Variants in IL1RAPL2 observed in about 807,000 individuals in gnomAD.
IL1RAPL2 encodes the protein interleukin 1 receptor accessory protein like 2, also known as X-linked interleukin-1 receptor accessory protein-like 2.
Under a neutral mutation model 44.1 loss-of-function variants are expected in IL1RAPL2, and 3 were observed. That is an observed-to-expected ratio of 0.07 (90% CI 0.03 to 0.18). The LOEUF (loss-of-function observed/expected upper bound fraction) is 0.18. IL1RAPL2 is among the 10% of genes least tolerant of loss of function. The pLI, the probability that IL1RAPL2 is intolerant of heterozygous loss-of-function variation, is 1.00. For synonymous variants in IL1RAPL2, 181 were observed against 178.8 expected (o/e 1.01, Z -0.10); for missense variants, 391 against 496.4 (o/e 0.79, Z 2.02).
intron 5 of IL1RAPL2, among the ~76,000 whole-genome samples, chrX:105,269,407 TATATA>T (rs1456136625): frequency 1.8e-5 from 2 of 110,596 alleles, no homozygotes; most frequent in African/African-American, 3.3e-5. Context: ...AATAAACTAA[TATATA>T]ATATACATAT....
chrX:105,442,937 G>A (rs756830470), intron 5 of IL1RAPL2, among the ~76,000 whole-genome samples: 17 of 111,390 alleles, frequency 1.5e-4, no homozygotes, highest in African/African-American at 4.9e-4. Flanking sequence ...GTAGCCCAGC[G>A]TGGTGGTGGG....
chrX:105,358,496 T>G (rs1369528137), intron 5 of IL1RAPL2, among the ~76,000 whole-genome samples: 1 of 108,541 alleles, frequency 9.2e-6, no homozygotes. Flanking sequence ...GTGAACATAG[T>G]AAAACCTTAT....
At chrX:104,766,368 GGCCTGCCTGCCTGCCTGCCT>G (rs3081246) in intron 2 of IL1RAPL2, among the ~76,000 whole-genome samples, 11 of 60,306 alleles carry the variant, frequency 1.8e-4, no homozygotes, top group South Asian at 7.0e-4. Flanking sequence ...ATTCCTGGCT[GGCCTGCCTGCCTGCCTGCCT>G]GCCTGCCTGC....
intron 3 of IL1RAPL2, among the ~76,000 whole-genome samples, chrX:105,214,694 C>T (rs2033837660): frequency 8.9e-6 from 1 of 111,945 alleles, no homozygotes; most frequent in Non-Finnish European, 1.9e-5. Flanking sequence ...TGCCACATAG[C>T]ACGTACTCTA....
chrX:104,675,729 A>G (rs1489444427), intron 2 of IL1RAPL2, among the ~76,000 whole-genome samples: 1 of 110,190 alleles, frequency 9.1e-6, no homozygotes, highest in Non-Finnish European at 1.9e-5. Context: ...ATTGTGTGGG[A>G]GTCTAAGTCT....
intron 2 of IL1RAPL2, among the ~76,000 whole-genome samples, chrX:105,068,443 C>T (rs914321609): frequency 2.7e-5 from 3 of 111,853 alleles, no homozygotes; most frequent in Non-Finnish European, 3.8e-5. Flanking sequence ...AAAATGGATG[C>T]GTTTGCCCTA....
chrX:104,847,596 C>A (rs924049750), intron 2 of IL1RAPL2, among the ~76,000 whole-genome samples: 5 of 111,715 alleles, frequency 4.5e-5, no homozygotes, highest in Non-Finnish European at 9.4e-5. Flanking sequence ...GTTACTGTAG[C>A]CTTGTAGTAT....
chrX:105,272,041 C>A (rs1216397156), intron 5 of IL1RAPL2, among the ~76,000 whole-genome samples: 5 of 104,357 alleles, frequency 4.8e-5, no homozygotes, highest in Non-Finnish European at 3.9e-5. Flanking sequence ...AACAAAAAAC[C>A]AAACACCGCA....
At chrX:104,937,302 C>A (rs1925052111) in intron 2 of IL1RAPL2, among the ~76,000 whole-genome samples, 1 of 112,047 alleles carries the variant, frequency 8.9e-6, no homozygotes, top group Non-Finnish European at 1.9e-5. Flanking sequence ...AAGTAATGGT[C>A]CATTATCCAT....
chrX:105,079,618 G>C (rs368329437), intron 2 of IL1RAPL2, among the ~76,000 whole-genome samples: 3 of 108,645 alleles, frequency 2.8e-5, no homozygotes, highest in Non-Finnish European at 3.8e-5. Context: ...CATTTGGGTT[G>C]GTTCCAAGTC....
Position 104,827,718 on chromosome X carries a change from G to C in IL1RAPL2, c.82+168723G>C, listed in dbSNP as rs368732906. On this transcript the variant is annotated intron_variant, in intron 2 of 10. Transcript: ENST00000372582. ...TCTCCAGGATAATATCCTGAAGTGT[G>C]TTTTCCAACTTGGTTGCATTCTCCC... Among the ~76,000 whole-genome samples, 15 of 111,947 alleles carry C rather than the reference G, an allele frequency of 1.3e-4. No individual in the cohort carries two copies. The East Asian group carries it at 2.8e-3, about 21-fold the overall frequency.
chrX:105,557,218 G>A (rs1186936623), intron 6 of IL1RAPL2, among the ~76,000 whole-genome samples: 1 of 111,582 alleles, frequency 9.0e-6, no homozygotes, highest in Non-Finnish European at 1.9e-5. Flanking sequence ...CTCTTTCTCT[G>A]CATTTCTATT....
chrX:104,938,637 G>A (rs1925084023), intron 2 of IL1RAPL2, among the ~76,000 whole-genome samples: 1 of 107,336 alleles, frequency 9.3e-6, no homozygotes, highest in Non-Finnish European at 1.9e-5. Context: ...TTAGTGAGCA[G>A]GTTCATTAAG....
intron 2 of IL1RAPL2, among the ~76,000 whole-genome samples, chrX:105,055,955 A>G (rs1216451573): frequency 8.9e-6 from 1 of 112,178 alleles, no homozygotes; most frequent in Non-Finnish European, 1.9e-5. Flanking sequence ...TGAAAGGAGA[A>G]ACATTTGACT....
rs1049256035 is a variant in IL1RAPL2, at chrX:105,417,468, G to A, written c.698-66845G>A. Among the ~76,000 whole-genome samples the A allele has an allele frequency of 8.9e-5, 10 of 112,730 alleles. No homozygotes were observed. In the East Asian group the frequency reaches 1.1e-3, roughly 13 times the overall value. On this transcript the variant is annotated intron_variant, in intron 5 of 10. Coordinates refer to ENST00000372582, the MANE Select transcript of IL1RAPL2 (RefSeq NM_017416.2). ...AGCCTGGGCAACAGAACGAGCCTTC[G>A]TCTCAAAAAATAAATTATGTGATTT...
chrX:105,283,229 G>C (rs182766159), intron 5 of IL1RAPL2, among the ~76,000 whole-genome samples: 18 of 111,225 alleles, frequency 1.6e-4, no homozygotes, highest in African/African-American at 5.6e-4. Context: ...ATGAGAGGGG[G>C]GAGAATAGAC....
At chrX:105,489,758 C>CTCTT (rs1340875125) in intron 6 of IL1RAPL2, among the ~76,000 whole-genome samples, 7,918 of 93,981 alleles carry the variant, frequency 0.084, 1,115 homozygotes, top group African/African-American at 0.31. Context: ...TTCTTTCTTT[C>CTCTT]TCTTTCTTTC....
At chrX:104,790,632 A>T (rs1260593843) in intron 2 of IL1RAPL2, among the ~76,000 whole-genome samples, 2 of 110,992 alleles carry the variant, frequency 1.8e-5, no homozygotes, top group Non-Finnish European at 3.8e-5. Context: ...TATAAAAGTA[A>T]TATGTGTTCA....
intron 2 of IL1RAPL2, among the ~76,000 whole-genome samples, chrX:104,882,563 A>G (rs1923099592): frequency 9.0e-6 from 1 of 111,607 alleles, no homozygotes; most frequent in Non-Finnish European, 1.9e-5. Flanking sequence ...TGTCTAGCTA[A>G]AGGTTTGTAA....
Sources: allele counts gnomAD v4.1 joint callset (sites outside exome capture counted in the v4.1 genomes callset), GRCh38; gene constraint gnomAD v4.1.1; transcripts MANE v1.5; gene names NCBI Gene and HGNC (gene_info 2026-07-23, HGNC 2026-07-21).